TAFA5: variants seen among roughly 807,000 people sequenced by gnomAD.
The protein encoded by TAFA5 is chemokine-like protein TAFA-5.
Under a neutral mutation model 15.3 loss-of-function variants are expected in TAFA5, and 6 were observed. The observed-to-expected ratio is 0.39, with a 90% CI of 0.21 to 0.77. The LOEUF is 0.77. TAFA5 is among the 30% of genes least tolerant of loss of function. TAFA5 has a pLI of 0.41. For missense variants in TAFA5, 161 were observed against 193.1 expected (o/e 0.83, Z 0.98); for synonymous variants, 103 against 80.7 (o/e 1.28, Z -1.48).
chr22:48,726,270 G>A (rs996313053), intron 3 of TAFA5, among the ~76,000 whole-genome samples: 3 of 152,224 alleles, frequency 2.0e-5, no homozygotes, highest in African/African-American at 7.2e-5. Context: ...CAGTTATGCC[G>A]AACCCTTACT....
At chr22:48,653,433 G>C (rs1369264252) in intron 2 of TAFA5, among the ~76,000 whole-genome samples, 1 of 152,244 alleles carries the variant, frequency 6.6e-6, no homozygotes, top group African/African-American at 2.4e-5. Flanking sequence ...TGTGTCTGCT[G>C]TTGGAGCCAC....
At chr22:48,500,049 C>A (rs1261578697) in intron 1 of TAFA5, among the ~76,000 whole-genome samples, 6 of 152,126 alleles carry the variant, frequency 3.9e-5, no homozygotes, top group African/African-American at 7.2e-5. Context: ...CTCAGAGACC[C>A]CTTTGCTTGG....
At chr22:48,512,778 C>G (rs1465134982) in intron 1 of TAFA5, among the ~76,000 whole-genome samples, 4 of 151,598 alleles carry the variant, frequency 2.6e-5, no homozygotes, top group Non-Finnish European at 5.9e-5. Context: ...AAAAAATTAC[C>G]CGGGGGTGGT....
intron 1 of TAFA5, among the ~76,000 whole-genome samples, chr22:48,553,759 T>C (rs1238604025): frequency 6.6e-6 from 1 of 152,094 alleles, no homozygotes; most frequent in African/African-American, 2.4e-5. Flanking sequence ...TGACCTGGGG[T>C]GCAGCCCTGG....
Position 48,490,106 on chromosome 22 carries a change from C to T in TAFA5, c.112+402C>T, listed in dbSNP as rs1928090633. On this transcript the variant is annotated intron_variant, in intron 1 of 3. Coordinates refer to ENST00000402357, the MANE Select transcript of TAFA5 (RefSeq NM_001082967.3). The surrounding 1 kb of genome is among the most constrained non-coding windows in gnomAD (Gnocchi z 5.8). ...TGCCGGGGTGTCTGCGGAGCGCCCT[C>T]CCCGTGCCTCAGCCCGGGACAAGGG... 6.6e-6 allele frequency among the ~76,000 whole-genome samples: 1 copy of T among 152,082 alleles called. No individual in the cohort carries two copies. Among genetic ancestry groups the T allele is most frequent in the Admixed American group, 6.5e-5 (1 of 15,282 alleles).
intron 1 of TAFA5, among the ~76,000 whole-genome samples, chr22:48,536,916 G>C (rs973856222): frequency 4.6e-5 from 7 of 152,172 alleles, no homozygotes; most frequent in Admixed American, 1.3e-4. Flanking sequence ...CGATGGCAGC[G>C]GGGCCTGGCT....
At chr22:48,557,529 G>C (rs996735071) in intron 1 of TAFA5, among the ~76,000 whole-genome samples, 1 of 152,224 alleles carries the variant, frequency 6.6e-6, no homozygotes, top group Non-Finnish European at 1.5e-5. Flanking sequence ...CCAGTCCCAG[G>C]TGGTGGTTAG....
At chr22:48,575,306 A>T (rs1239817124) in intron 1 of TAFA5, among the ~76,000 whole-genome samples, 1 of 151,010 alleles carries the variant, frequency 6.6e-6, no homozygotes, top group Non-Finnish European at 1.5e-5. Context: ...CCGGCGCGCC[A>T]GGCGGGGGCG....
chr22:48,513,234 A>G (rs781499079), intron 1 of TAFA5, among the ~76,000 whole-genome samples: 11 of 152,248 alleles, frequency 7.2e-5, no homozygotes, highest in Non-Finnish European at 1.5e-4. Context: ...AGAGCTGGAA[A>G]CTGCAAATTT....
At chr22:48,519,458 G>T (rs1290916032) in intron 1 of TAFA5, among the ~76,000 whole-genome samples, 2 of 152,202 alleles carry the variant, frequency 1.3e-5, no homozygotes, top group African/African-American at 4.8e-5. Context: ...CATGCATCTC[G>T]CTGCCACTGA....
At chr22:48,509,887 C>G (rs187467478) in intron 1 of TAFA5, among the ~76,000 whole-genome samples, 54 of 149,764 alleles carry the variant, frequency 3.6e-4, no homozygotes, top group African/African-American at 1.3e-3. Context: ...GGAGGCGGAG[C>G]TTGCAGTGAG....
At chr22:48,541,262 CTA>C (rs1039902976) in intron 1 of TAFA5, among the ~76,000 whole-genome samples, 3 of 152,088 alleles carry the variant, frequency 2.0e-5, no homozygotes, top group African/African-American at 7.2e-5. Context: ...CCCCAGGACC[CTA>C]TACCCCCTGG....
chr22:48,575,090 C>G (rs577084381), intron 1 of TAFA5, among the ~76,000 whole-genome samples: 27 of 152,182 alleles, frequency 1.8e-4, no homozygotes, highest in Non-Finnish European at 3.2e-4. Context: ...GCCCTCCCAG[C>G]CGCTGGTCGG....
intron 1 of TAFA5, among the ~76,000 whole-genome samples, chr22:48,627,016 G>A (rs183144079): frequency 4.6e-5 from 7 of 152,298 alleles, no homozygotes; most frequent in South Asian, 2.1e-4. Context: ...GGATGGCCGC[G>A]GGGCCCCTTT....
chr22:48,621,291 C>G (rs1364216054), intron 1 of TAFA5, among the ~76,000 whole-genome samples: 2 of 148,184 alleles, frequency 1.3e-5, no homozygotes, highest in African/African-American at 5.0e-5. Flanking sequence ...GCCATCCATC[C>G]ATTTATCCAT....
rs188722311 is a variant in TAFA5 at position 48,750,131 on chromosome 22, G to A, written c.*284G>A. ...CGGCCGCGCCCAGCCCCCGCCGACCGTGGCGTTGGCCCTGCTGTCCTCAGA... is the reference window on the plus strand; with the variant it reads ...CGGCCGCGCCCAGCCCCCGCCGACCATGGCGTTGGCCCTGCTGTCCTCAGA... On this transcript the variant is annotated 3_prime_UTR_variant, in exon 4 of 4. Transcript: ENST00000402357. The A allele has an allele frequency of 3.7e-3, 1,864 of 503,578 alleles. 9 individuals are homozygous for A. Among genetic ancestry groups the A allele is most frequent in the Admixed American group, 9.6e-3 (274 of 28,408 alleles). 31.2% of individuals were successfully genotyped at this position (503,578 alleles called of 1,614,324 possible).
At chr22:48,727,357 G>C (rs1266944518) in intron 3 of TAFA5, among the ~76,000 whole-genome samples, 2 of 152,176 alleles carry the variant, frequency 1.3e-5, no homozygotes, top group African/African-American at 4.8e-5. Context: ...GCAGTGGCAG[G>C]CTGGAGTCAC....
At chr22:48,508,018 T>C (rs887859075) in intron 1 of TAFA5, among the ~76,000 whole-genome samples, 4 of 151,384 alleles carry the variant, frequency 2.6e-5, no homozygotes, top group Non-Finnish European at 4.4e-5. Context: ...GGAGGGGTTG[T>C]TGGGCAGTGG....
intron 2 of TAFA5, among the ~76,000 whole-genome samples, chr22:48,672,329 A>G (rs1407583182): frequency 5.9e-5 from 9 of 152,268 alleles, no homozygotes; most frequent in Non-Finnish European, 1.0e-4. Context: ...TTTAATGTTT[A>G]TGGTAGAGAA....
Sources: gnomAD v4.1 joint callset for allele counts (sites outside exome capture counted in the v4.1 genomes callset) on GRCh38, gnomAD v4.1.1 for gene constraint, Gnocchi (gnomAD v3.1) non-coding constraint, MANE v1.5 for transcripts, NCBI Gene and HGNC (gene_info 2026-07-23, HGNC 2026-07-21) for gene names.